Variants in TSHZ2 observed in about 807,000 individuals in gnomAD.
TSHZ2 encodes teashirt zinc finger homeobox 2, also known as teashirt homolog 2.
In TSHZ2, 21 loss-of-function variants were observed where a neutral mutation model predicts 74.4. The ratio of observed to expected loss-of-function variants is 0.28; its 90% confidence interval spans 0.20 to 0.41. TSHZ2 has a LOEUF of 0.41. TSHZ2 is among the 10% of genes least tolerant of loss of function. The pLI, the probability that TSHZ2 is intolerant of heterozygous loss-of-function variation, is 1.00. For synonymous variants in TSHZ2, 540 were observed against 515.3 expected, an observed-to-expected ratio of 1.05 and a Z score of -0.65; for missense variants, 1,244 against 1,293.5, an observed-to-expected ratio of 0.96 and a Z score of 0.59.
intron 1 of TSHZ2, among the ~76,000 whole-genome samples, chr20:52,980,287 A>G (rs901452149): frequency 6.6e-6 from 1 of 152,222 alleles, no homozygotes; most frequent in Non-Finnish European, 1.5e-5. Flanking sequence ...TGAAGCAGGG[A>G]AGATTTTTTT....
rs143832071 is a variant in TSHZ2 at position 53,251,515 on chromosome 20, G to A, written c.41-1984G>A. Among the ~76,000 whole-genome samples the A allele has an allele frequency of 4.2e-3, 636 of 152,268 alleles. 6 individuals are homozygous for A. Among genetic ancestry groups the A allele is most frequent in the African/African-American group, 0.015 (611 of 41,556 alleles). ...AAACTACAGTTTTCCTGCAAGTTGT[G>A]ACCGCTTATTAATGGTTTTTTGACT... On this transcript the variant is annotated intron_variant, in intron 1 of 2. Coordinates refer to ENST00000371497, the MANE Select transcript of TSHZ2 (RefSeq NM_173485.6).
intron 1 of TSHZ2, among the ~76,000 whole-genome samples, chr20:53,228,995 A>G (rs982148566): frequency 6.6e-6 from 1 of 152,166 alleles, no homozygotes; most frequent in African/African-American, 2.4e-5. Flanking sequence ...TCAGTTTTCT[A>G]GAATGATTTT....
chr20:53,226,882 C>T (rs1460589857), intron 1 of TSHZ2, among the ~76,000 whole-genome samples: 1 of 152,082 alleles, frequency 6.6e-6, no homozygotes. Flanking sequence ...CCAGCGGTGT[C>T]TGAAAAGTCC....
At chr20:53,192,491 G>A (rs1988760190) in intron 1 of TSHZ2, among the ~76,000 whole-genome samples, 1 of 151,668 alleles carries the variant, frequency 6.6e-6, no homozygotes, top group African/African-American at 2.4e-5. Context: ...GTGGGCATTT[G>A]GGAGCTGGAA....
chr20:53,405,813 T>C (rs1394787095), intron 2 of TSHZ2, among the ~76,000 whole-genome samples: 1 of 151,926 alleles, frequency 6.6e-6, no homozygotes, highest in Admixed American at 6.6e-5. Context: ...CTGGGCAACA[T>C]GGCGAGACCC....
Position 53,275,596 on chromosome 20 carries a change from G to A in TSHZ2, c.*8+19025G>A, listed in dbSNP as rs139430333. Among the ~76,000 whole-genome samples the A allele has an allele frequency of 3.1e-3, 476 of 152,268 alleles. 1 individual carries two copies. The highest frequency in any genetic ancestry group is 0.011 in the African/African-American group (454 of 41,562). ...CCTAAAATCTTAGTGGACCTGGGTGGAAGTTTGTTGACACTTTTGGAAGCA... is the reference window on the plus strand; with the variant it reads ...CCTAAAATCTTAGTGGACCTGGGTGAAAGTTTGTTGACACTTTTGGAAGCA... On this transcript the variant is annotated intron_variant, in intron 2 of 2. Coordinates refer to ENST00000371497, the MANE Select transcript of TSHZ2 (RefSeq NM_173485.6).
chr20:53,117,733 C>T (rs1005827198), intron 1 of TSHZ2, among the ~76,000 whole-genome samples: 1 of 152,168 alleles, frequency 6.6e-6, no homozygotes, highest in Non-Finnish European at 1.5e-5. Context: ...TAAACTGATA[C>T]ACCGTATTTT....
At chr20:53,133,107 G>T (rs1987150813) in intron 1 of TSHZ2, among the ~76,000 whole-genome samples, 1 of 152,116 alleles carries the variant, frequency 6.6e-6, no homozygotes, top group Admixed American at 6.5e-5. Context: ...GGGTGGGAAT[G>T]CAGCCCCTGA....
At chr20:53,257,242 T>A (rs1990502080) in intron 2 of TSHZ2, among the ~76,000 whole-genome samples, 1 of 152,268 alleles carries the variant, frequency 6.6e-6, no homozygotes, top group Admixed American at 6.5e-5. Flanking sequence ...AACATTGAGA[T>A]GAAAAGAAGC....
Position 53,125,740 on chromosome 20 carries a change from T to TA in TSHZ2, c.41-127747dup, listed in dbSNP as rs111939383. Reference sequence around the variant, plus strand: ...ACAGGAATGCAGTTACCAAAATATTTAAAAAAAAAAAATTGTGATGCAGTT... The same window carrying TA: ...ACAGGAATGCAGTTACCAAAATATTTAAAAAAAAAAAAATTGTGATGCAGTT... On this transcript the variant is annotated intron_variant, in intron 1 of 2. Transcript: ENST00000371497. 3.7e-4 allele frequency among the ~76,000 whole-genome samples: 55 copies of TA among 149,350 alleles called. No individual in the cohort carries two copies. The East Asian group carries it at 4.1e-3, about 11-fold the overall frequency.
intron 2 of TSHZ2, chr20:53,397,693 A>T (rs561759772): frequency 4.6e-5 from 7 of 152,370 alleles, no homozygotes; most frequent in Non-Finnish European, 7.3e-5. Context: ...TTATTGCGGC[A>T]CTATTCACAA....
intron 2 of TSHZ2, among the ~76,000 whole-genome samples, chr20:53,362,220 T>C (rs1296436251): frequency 2.0e-5 from 3 of 149,924 alleles, no homozygotes; most frequent in Non-Finnish European, 4.4e-5. Flanking sequence ...AGTCTCGCTC[T>C]GTTGCCCAGG....
At chr20:53,447,912 ATT>A (rs3042218) in intron 2 of TSHZ2, among the ~76,000 whole-genome samples, 23,133 of 134,734 alleles carry the variant, frequency 0.17, 2,644 homozygotes, top group African/African-American at 0.38. Flanking sequence ...GGAAGAAGAA[ATT>A]TTTTTTTTTT....
At chr20:53,420,031 C>T (rs1171645782) in intron 2 of TSHZ2, among the ~76,000 whole-genome samples, 2 of 152,262 alleles carry the variant, frequency 1.3e-5, no homozygotes, top group Non-Finnish European at 2.9e-5. Context: ...GTTCAACTAA[C>T]CTTCACTAAA....
At chr20:53,152,023 A>G (rs546072622) in intron 1 of TSHZ2, among the ~76,000 whole-genome samples, 1 of 151,868 alleles carries the variant, frequency 6.6e-6, no homozygotes, top group East Asian at 1.9e-4. Flanking sequence ...TTGCTGTAAA[A>G]TGGGAAGCAT....
At chr20:53,223,722 A>G (rs1327383123) in intron 1 of TSHZ2, among the ~76,000 whole-genome samples, 3 of 152,126 alleles carry the variant, frequency 2.0e-5, no homozygotes, top group Admixed American at 1.3e-4. Flanking sequence ...ACATTCTTGT[A>G]ATGACCAAAT....
intron 1 of TSHZ2, among the ~76,000 whole-genome samples, chr20:53,117,288 A>G (rs1238123318): frequency 6.6e-6 from 1 of 152,250 alleles, no homozygotes; most frequent in African/African-American, 2.4e-5. Context: ...GCAAGAGATA[A>G]CATATGGCAT....
At chr20:53,454,134 C>A (rs1029949628) in intron 2 of TSHZ2, among the ~76,000 whole-genome samples, 1 of 152,158 alleles carries the variant, frequency 6.6e-6, no homozygotes, top group African/African-American at 2.4e-5. Context: ...CTTCACCAAC[C>A]TTTCTGTGAT....
At chr20:53,452,598 CAAA>C (rs11313655) in intron 2 of TSHZ2, among the ~76,000 whole-genome samples, 128 of 121,262 alleles carry the variant, frequency 1.1e-3, no homozygotes, top group Non-Finnish European at 1.3e-3. Context: ...GACTCTGTCT[CAAA>C]AAAAAAAAAA....
Sources: gnomAD v4.1 joint callset for allele counts (sites outside exome capture counted in the v4.1 genomes callset) on GRCh38, gnomAD v4.1.1 for gene constraint, MANE v1.5 for transcripts, NCBI Gene and HGNC (gene_info 2026-07-23, HGNC 2026-07-21) for gene names.